GRIA4: variants seen among roughly 807,000 people sequenced by gnomAD.
GRIA4 encodes glutamate ionotropic receptor AMPA type subunit 4, also known as glutamate receptor 4.
Under a neutral mutation model 104.0 loss-of-function variants are expected in GRIA4, and 34 were observed. That is an observed-to-expected ratio of 0.33 (90% CI 0.25 to 0.44). The LOEUF (loss-of-function observed/expected upper bound fraction) is 0.44. Ranked by LOEUF, GRIA4 falls within the 20% of genes least tolerant of loss-of-function variation. GRIA4 has a pLI of 1.00. For synonymous variants in GRIA4, 386 were observed against 381.9 expected, an observed-to-expected ratio of 1.01 and a Z score of -0.13; for missense variants, 750 against 1,096.5, an observed-to-expected ratio of 0.68 and a Z score of 4.46.
intron 4 of GRIA4, among the ~76,000 whole-genome samples, chr11:105,786,067 C>G (rs1204792995): frequency 6.7e-6 from 1 of 149,998 alleles, no homozygotes; most frequent in Non-Finnish European, 1.5e-5. Flanking sequence ...ATCGCTTGAC[C>G]CCGGGAGGTG....
intron 13 of GRIA4, among the ~76,000 whole-genome samples, chr11:105,929,448 T>G (rs1352813065): frequency 6.6e-6 from 1 of 152,160 alleles, no homozygotes; most frequent in Non-Finnish European, 1.5e-5. Context: ...ACTTCATGTT[T>G]TATGTGCCAT....
intron 6 of GRIA4, among the ~76,000 whole-genome samples, chr11:105,889,678 T>C (rs1435187059): frequency 6.6e-6 from 1 of 152,146 alleles, no homozygotes; most frequent in Non-Finnish European, 1.5e-5. Context: ...ACCACTTCTA[T>C]TGAACGTTGT....
chr11:105,646,375 T>C (rs1951528007), intron 3 of GRIA4, among the ~76,000 whole-genome samples: 1 of 152,160 alleles, frequency 6.6e-6, no homozygotes, highest in African/African-American at 2.4e-5. Flanking sequence ...GGAGGATTGC[T>C]TGAGCCCAGG....
intron 4 of GRIA4, among the ~76,000 whole-genome samples, chr11:105,765,969 A>G (rs1728118440): frequency 6.6e-6 from 1 of 152,186 alleles, no homozygotes; most frequent in African/African-American, 2.4e-5. Context: ...GTATGAAAAT[A>G]CCTTTTCAAA....
intron 4 of GRIA4, among the ~76,000 whole-genome samples, chr11:105,767,021 G>T (rs1037649493): frequency 2.0e-5 from 3 of 151,946 alleles, no homozygotes; most frequent in African/African-American, 7.3e-5. Flanking sequence ...TTTAAGGTAG[G>T]CTCTGTTACA....
At chr11:105,837,961 T>C (rs1693450292) in intron 4 of GRIA4, among the ~76,000 whole-genome samples, 1 of 152,166 alleles carries the variant, frequency 6.6e-6, no homozygotes, top group Non-Finnish European at 1.5e-5. Context: ...CCCACTCTGC[T>C]CCTCTTATTT....
At chr11:105,818,819 T>C (rs1330655596) in intron 4 of GRIA4, among the ~76,000 whole-genome samples, 1 of 152,184 alleles carries the variant, frequency 6.6e-6, no homozygotes, top group Non-Finnish European at 1.5e-5. Context: ...TGACATCCAT[T>C]TAATATAGGC....
intron 14 of GRIA4, among the ~76,000 whole-genome samples, chr11:105,934,393 C>T (rs975775588): frequency 6.6e-6 from 1 of 152,070 alleles, no homozygotes; most frequent in African/African-American, 2.4e-5. Flanking sequence ...TCTAGCAAAC[C>T]ACTTTTTTTC....
intron 4 of GRIA4, among the ~76,000 whole-genome samples, chr11:105,832,590 A>C (rs1383839080): frequency 3.3e-5 from 5 of 151,854 alleles, no homozygotes; most frequent in Non-Finnish European, 7.4e-5. Flanking sequence ...ATTATTCCAG[A>C]GTGGAACTGT....
rs747035118 is a variant in GRIA4, at chr11:105,610,962, G to C, written c.-36G>C. On this transcript the variant is annotated 5_prime_UTR_variant, in exon 2 of 17. Coordinates refer to ENST00000282499, the MANE Select transcript of GRIA4 (RefSeq NM_000829.4). Reference sequence around the variant, plus strand: ...GCCTTTAGGAAGAGTGCGAGAGAAAGAGAGAGAGCGCGCGCCAGGGAGAGG... The same window carrying C: ...GCCTTTAGGAAGAGTGCGAGAGAAACAGAGAGAGCGCGCGCCAGGGAGAGG... 80 of 1,371,142 alleles carry C rather than the reference G, an allele frequency of 5.8e-5. No homozygotes were observed. Among genetic ancestry groups the C allele is most frequent in the Non-Finnish European group, 7.9e-5 (76 of 962,556 alleles). The allele number at this position is 1,371,142 out of a possible 1,614,324, so 84.9% of individuals were successfully genotyped here.
intron 4 of GRIA4, among the ~76,000 whole-genome samples, chr11:105,858,286 T>C (rs552467574): frequency 1.3e-5 from 2 of 152,296 alleles, no homozygotes; most frequent in East Asian, 3.9e-4. Flanking sequence ...TTTTCCTAGA[T>C]AGTAAATTCT....
intron 3 of GRIA4, among the ~76,000 whole-genome samples, chr11:105,679,951 A>G (rs887772827): frequency 3.3e-5 from 5 of 152,088 alleles, no homozygotes; most frequent in African/African-American, 1.2e-4. Context: ...AACACAGGTT[A>G]TGGTAATACT....
intron 4 of GRIA4, among the ~76,000 whole-genome samples, chr11:105,762,421 A>G (rs1940706491): frequency 6.6e-6 from 1 of 152,198 alleles, no homozygotes; most frequent in Non-Finnish European, 1.5e-5. Flanking sequence ...TTTTGCCTCT[A>G]ATTAGTGAGT....
intron 3 of GRIA4, among the ~76,000 whole-genome samples, chr11:105,632,242 C>G (rs760393561): frequency 2.0e-5 from 3 of 152,182 alleles, no homozygotes; most frequent in Non-Finnish European, 2.9e-5. Flanking sequence ...TCTCTCATCT[C>G]TTATAATTTC....
intron 3 of GRIA4, among the ~76,000 whole-genome samples, chr11:105,752,060 T>C (rs1451451807): frequency 6.6e-5 from 10 of 152,124 alleles, no homozygotes; most frequent in Non-Finnish European, 1.2e-4. Context: ...AAAATATAAA[T>C]TGGAAAAAGT....
At chr11:105,674,662 T>C (rs1231431940) in intron 3 of GRIA4, among the ~76,000 whole-genome samples, 1 of 151,954 alleles carries the variant, frequency 6.6e-6, no homozygotes, top group Non-Finnish European at 1.5e-5. Flanking sequence ...ATATGGGTGC[T>C]ACTATACACA....
intron 3 of GRIA4, among the ~76,000 whole-genome samples, chr11:105,744,300 T>C (rs1939510588): frequency 1.3e-5 from 2 of 152,220 alleles, no homozygotes; most frequent in South Asian, 4.1e-4. Flanking sequence ...AATAGAGGAA[T>C]GAGTGGTAGT....
intron 4 of GRIA4, among the ~76,000 whole-genome samples, chr11:105,814,519 T>C (rs1461375909): frequency 2.0e-5 from 3 of 152,220 alleles, no homozygotes; most frequent in South Asian, 4.1e-4. Context: ...AGTTAATCTC[T>C]ATGAATTTCA....
rs569118742 is a variant in GRIA4 at position 105,628,086 on chromosome 11, TACACAC to T, written c.247+15658_247+15663del. 7.1e-4 allele frequency among the ~76,000 whole-genome samples: 107 copies of T among 151,676 alleles called. 1 individual carries two copies. Among genetic ancestry groups the T allele is most frequent in the African/African-American group, 2.5e-3 (103 of 41,216 alleles). Reference sequence around the variant, plus strand: ...ACCATCATATATATGTGTGTATGTGTACACACACACAAACACACACACACACACACA... The same window carrying T: ...ACCATCATATATATGTGTGTATGTGTACACAAACACACACACACACACACA... On this transcript the variant is annotated intron_variant, in intron 3 of 16. Transcript: ENST00000282499.
Sources: allele counts gnomAD v4.1 joint callset (sites outside exome capture counted in the v4.1 genomes callset), GRCh38; gene constraint gnomAD v4.1.1; transcripts MANE v1.5; gene names NCBI Gene and HGNC (gene_info 2026-07-23, HGNC 2026-07-21).